The following SOX6 variants were observed in gnomAD, a reference collection of about 807,000 sequenced individuals.
SOX6 encodes the protein transcription factor SOX-6.
A neutral mutation model predicts 97.8 loss-of-function variants in SOX6; 11 were observed. The ratio of observed to expected loss-of-function variants is 0.11; its 90% confidence interval spans 0.07 to 0.19. The LOEUF is 0.19. Ranked by LOEUF, SOX6 falls within the 10% of genes least tolerant of loss-of-function variation. SOX6 has a pLI of 1.00. For missense variants in SOX6, 810 were observed against 1,039.5 expected (o/e 0.78, Z 3.04); for synonymous variants, 360 against 371.4 (o/e 0.97, Z 0.35).
intron 8 of SOX6, among the ~76,000 whole-genome samples, chr11:16,097,064 A>C (rs1375726785): frequency 6.6e-6 from 1 of 151,830 alleles, no homozygotes; most frequent in Non-Finnish European, 1.5e-5. Flanking sequence ...TAGCTTTATA[A>C]ATAAGAAACA....
At chr11:16,645,647 G>A (rs1849002513) in intron 3 of SOX6, among the ~76,000 whole-genome samples, 1 of 152,202 alleles carries the variant, frequency 6.6e-6, no homozygotes, top group Non-Finnish European at 1.5e-5. Context: ...CAGAGAGAAT[G>A]CCATATGGCA....
chr11:16,132,320 AAGGAAGGAAGGAAAG>A (rs1338856189), intron 6 of SOX6, among the ~76,000 whole-genome samples: 1 of 125,816 alleles, frequency 7.9e-6, no homozygotes, highest in Non-Finnish European at 1.7e-5. Flanking sequence ...GGAAGGAAGG[AAGGAAGGAAGGAAAG>A]AAAAAAGAAA....
At chr11:16,386,738 GTCACCA>G (rs1857998644) in intron 1 of SOX6, among the ~76,000 whole-genome samples, 1 of 151,920 alleles carries the variant, frequency 6.6e-6, no homozygotes, top group Admixed American at 6.6e-5. Context: ...CTAATGTATA[GTCACCA>G]TCCTTGATCC....
chr11:16,352,285 T>TGGATGGATGGAA (rs1856969137), intron 1 of SOX6, among the ~76,000 whole-genome samples: 2 of 151,446 alleles, frequency 1.3e-5, no homozygotes, highest in South Asian at 4.2e-4. Context: ...GATGGATGGA[T>TGGATGGATGGAA]GGATGGATGG....
chr11:16,035,855 T>C (rs1855504740), intron 12 of SOX6, among the ~76,000 whole-genome samples: 1 of 152,268 alleles, frequency 6.6e-6, no homozygotes. Context: ...TGAGACCATA[T>C]GATGCCTTAG....
chr11:16,331,528 T>C (rs1306557590), intron 2 of SOX6, among the ~76,000 whole-genome samples: 5 of 152,200 alleles, frequency 3.3e-5, no homozygotes, highest in Admixed American at 2.0e-4. Flanking sequence ...CCTTCAAATT[T>C]TCTTCTAATA....
chr11:16,256,272 C>T (rs1377208725), intron 3 of SOX6, among the ~76,000 whole-genome samples: 1 of 151,880 alleles, frequency 6.6e-6, no homozygotes, highest in African/African-American at 2.4e-5. Context: ...ACATCAGTAA[C>T]TCTCATGAAC....
intron 2 of SOX6, among the ~76,000 whole-genome samples, chr11:16,725,282 G>C (rs904202643): frequency 1.3e-5 from 2 of 152,192 alleles, no homozygotes; most frequent in Admixed American, 6.5e-5. Flanking sequence ...CCAACACTTT[G>C]GAAGGCCAAA....
chr11:16,714,989 A>G (rs1358909515), intron 2 of SOX6: 2 of 152,234 alleles, frequency 1.3e-5, no homozygotes, highest in African/African-American at 4.8e-5. Context: ...TGTGTCAAAC[A>G]TAGATAAATG....
chr11:16,456,998 G>C (rs1859822345), intron 1 of SOX6, among the ~76,000 whole-genome samples: 1 of 151,986 alleles, frequency 6.6e-6, no homozygotes, highest in African/African-American at 2.4e-5. Context: ...ATCTTGATGG[G>C]AAAGTGAAAT....
intron 4 of SOX6, among the ~76,000 whole-genome samples, chr11:16,524,668 A>G (rs1215088514): frequency 2.0e-5 from 3 of 152,146 alleles, no homozygotes; most frequent in South Asian, 2.1e-4. Flanking sequence ...AGGGTATTCA[A>G]TTAGGAAAAG....
chr11:16,466,801 G>A (rs1426837545), intron 1 of SOX6, among the ~76,000 whole-genome samples: 2 of 149,028 alleles, frequency 1.3e-5, no homozygotes, highest in African/African-American at 4.9e-5. Context: ...CGTAGTGGCG[G>A]GCGCCTGTAG....
intron 3 of SOX6, among the ~76,000 whole-genome samples, chr11:16,621,841 G>A (rs1848549306): frequency 6.6e-6 from 1 of 152,090 alleles, no homozygotes; most frequent in East Asian, 1.9e-4. Flanking sequence ...ATGCATATAT[G>A]CAAAGATTCT....
chr11:16,290,839 C>T (rs976337313), intron 3 of SOX6, among the ~76,000 whole-genome samples: 8 of 152,096 alleles, frequency 5.3e-5, no homozygotes. Context: ...CCTCCATCAT[C>T]TCTAAAAGAC....
At chr11:16,051,758 G>C (rs1209987188) in intron 10 of SOX6, among the ~76,000 whole-genome samples, 1 of 151,920 alleles carries the variant, frequency 6.6e-6, no homozygotes, top group Non-Finnish European at 1.5e-5. Context: ...TTAAAGTTTT[G>C]ATCAAATTTG....
chr11:16,527,052 C>A (rs1160971942), intron 4 of SOX6, among the ~76,000 whole-genome samples: 2 of 152,022 alleles, frequency 1.3e-5, no homozygotes, highest in Non-Finnish European at 2.9e-5. Flanking sequence ...GCTCCAGCGG[C>A]CAAAAAGGAC....
intron 1 of SOX6, among the ~76,000 whole-genome samples, chr11:16,420,394 A>G (rs755185117): frequency 7.2e-5 from 11 of 152,136 alleles, no homozygotes; most frequent in South Asian, 4.1e-4. Context: ...TTCCAAAGGG[A>G]GGTCTAAAAT....
At chr11:16,218,585 T>C (rs1852439733) in intron 4 of SOX6, among the ~76,000 whole-genome samples, 1 of 152,102 alleles carries the variant, frequency 6.6e-6, no homozygotes, top group Admixed American at 6.6e-5. Context: ...GTTAAACAAA[T>C]GTTAATAGGA....
chr11:16,583,616 T>TATATATATATATATATATATAC (rs1848056329), intron 4 of SOX6, among the ~76,000 whole-genome samples: 14 of 52,460 alleles, frequency 2.7e-4, no homozygotes, highest in Non-Finnish European at 3.6e-4. Context: ...TATATATACA[T>TATATATATATATATATATATAC]ATATATATAT....
Sources: gnomAD v4.1 joint callset for allele counts (sites outside exome capture counted in the v4.1 genomes callset) on GRCh38, gnomAD v4.1.1 for gene constraint, MANE v1.5 for transcripts, NCBI Gene and HGNC (gene_info 2026-07-23, HGNC 2026-07-21) for gene names.